MTRFR: variants seen among roughly 807,000 people sequenced by gnomAD.
MTRFR encodes probable peptide chain release factor C12orf65, mitochondrial.
MTRFR carries 10 observed loss-of-function variants against 11.9 expected under a neutral mutation model. The ratio of observed to expected loss-of-function variants is 0.84; its 90% CI spans 0.52 to 1.42. The LOEUF is 1.42. Among genes scored for constraint, MTRFR ranks in the 40% most tolerant of loss-of-function variants. The pLI is 0.00. For synonymous variants in MTRFR, 77 were observed against 79.1 expected (o/e 0.97, Z 0.14); for missense variants, 196 against 197.9 (o/e 0.99, Z 0.06).
At chr12:123,239,402 G>GT (rs1410659171) in intron 1 of MTRFR, among the ~76,000 whole-genome samples, 6 of 80,024 alleles carry the variant, frequency 7.5e-5, no homozygotes, top group East Asian at 0.033. Context: ...CATTAGTTTT[G>GT]TTTTTTTGTT....
intron 1 of MTRFR, among the ~76,000 whole-genome samples, chr12:123,235,300 T>C (rs1286078194): frequency 6.6e-6 from 1 of 152,192 alleles, no homozygotes; most frequent in Non-Finnish European, 1.5e-5. Flanking sequence ...GCAGGTCTGT[T>C]GGCCACAGAG....
At chr12:123,241,157 T>A (rs1181640920) in intron 1 of MTRFR, among the ~76,000 whole-genome samples, 1 of 138,764 alleles carries the variant, frequency 7.2e-6, no homozygotes, top group South Asian at 2.4e-4. Context: ...TTTTTGTTTT[T>A]GTTTTTTTTT....
chr12:123,254,215 T>G (rs2048155192), intron 2 of MTRFR: 4 of 496,430 alleles, frequency 8.1e-6, no homozygotes, highest in Middle Eastern at 5.4e-4. Flanking sequence ...GCTGCCATCC[T>G]TGAATTTGGC....
At chr12:123,237,423 C>T (rs901436747) in intron 1 of MTRFR, among the ~76,000 whole-genome samples, 2 of 152,088 alleles carry the variant, frequency 1.3e-5, no homozygotes, top group Admixed American at 6.6e-5. Flanking sequence ...AGCGAAACTC[C>T]GGCTCAAAAA....
chr12:123,249,732 C>A (rs373948731), intron 1 of MTRFR: 1 of 152,458 alleles, frequency 6.6e-6, no homozygotes, highest in African/African-American at 2.4e-5. Context: ...AGTGCAGCGG[C>A]GGGCTGAAGG....
At chr12:123,255,601 C>T (rs1481259191) in intron 2 of MTRFR, among the ~76,000 whole-genome samples, 2 of 151,724 alleles carry the variant, frequency 1.3e-5, no homozygotes, top group Admixed American at 1.3e-4. Context: ...GGACTGCAGG[C>T]ATGCCCCACC....
At chr12:123,238,508 T>C (rs867210639) in intron 1 of MTRFR, among the ~76,000 whole-genome samples, 2 of 152,078 alleles carry the variant, frequency 1.3e-5, no homozygotes, top group Non-Finnish European at 2.9e-5. Flanking sequence ...TGGTGGCTCA[T>C]GACTGTAATC....
At position 123,246,540 on chromosome 12, in the gene MTRFR, G is replaced by A. The variant is rs188324263; in HGVS notation, c.-28-7107G>A. 5.5e-4 allele frequency among the ~76,000 whole-genome samples: 82 copies of A among 149,572 alleles called. No homozygotes were observed. In the East Asian group the frequency reaches 0.015, roughly 27 times the overall value. ...ACAATCTCGGCTCACTGCAACCTCCGCCTCCCAGGTTCAAGCAATTCTCCT... is the reference window on the plus strand; with the variant it reads ...ACAATCTCGGCTCACTGCAACCTCCACCTCCCAGGTTCAAGCAATTCTCCT... On this transcript the variant is annotated intron_variant, in intron 1 of 2. Transcript: ENST00000253233.
In MTRFR at chr12:123,237,586, G is replaced by A. The variant is rs1037149894; in HGVS notation, c.-29+4055G>A. 5.3e-5 allele frequency among the ~76,000 whole-genome samples: 8 copies of A among 151,996 alleles called. 1 individual carries two copies. Among genetic ancestry groups the A allele is most frequent in the African/African-American group, 9.7e-5 (4 of 41,384 alleles). ...CCTAGAGTAGTCTCTTTTTCCTCCCGTCCGCCAAAATCAAAGACTACAGCT... is the reference window on the plus strand; with the variant it reads ...CCTAGAGTAGTCTCTTTTTCCTCCCATCCGCCAAAATCAAAGACTACAGCT... On this transcript the variant is annotated intron_variant, in intron 1 of 2. Coordinates refer to ENST00000253233, the MANE Select transcript of MTRFR (RefSeq NM_152269.5).
intron 1 of MTRFR, among the ~76,000 whole-genome samples, chr12:123,238,305 A>C (rs1318514204): frequency 6.6e-6 from 1 of 152,182 alleles, no homozygotes; most frequent in Admixed American, 6.5e-5. Flanking sequence ...TTTTCAAAGC[A>C]GCAACATTGC....
intron 1 of MTRFR, among the ~76,000 whole-genome samples, chr12:123,234,303 G>A (rs2047794855): frequency 6.6e-6 from 1 of 151,944 alleles, no homozygotes; most frequent in African/African-American, 2.4e-5. Flanking sequence ...AAATGGATCT[G>A]CCCTTGGAAT....
At chr12:123,236,015 G>A (rs1794874298) in intron 1 of MTRFR, among the ~76,000 whole-genome samples, 1 of 152,008 alleles carries the variant, frequency 6.6e-6, no homozygotes, top group South Asian at 2.1e-4. Flanking sequence ...AGTGAGCCAA[G>A]ATGGTGCCAC....
At chr12:123,240,642 G>A (rs1281013405) in intron 1 of MTRFR, 1 of 147,692 alleles carries the variant, frequency 6.8e-6, no homozygotes. Flanking sequence ...GTGAATTTTA[G>A]ATAAATGGCG....
chr12:123,253,499 T>G, intron 1 of MTRFR, 148 bp from the exon 2 acceptor site: 3 of 738,362 alleles, frequency 4.1e-6, no homozygotes, highest in East Asian at 5.4e-5. Context: ...TCTTGCTGAA[T>G]AATGTGTCTC....
intron 1 of MTRFR, among the ~76,000 whole-genome samples, chr12:123,242,487 G>T (rs2047956051): frequency 6.6e-6 from 1 of 151,878 alleles, no homozygotes; most frequent in Admixed American, 6.6e-5. Flanking sequence ...GTATTTTTTT[G>T]GCCTTTGGGG....
intron 1 of MTRFR, among the ~76,000 whole-genome samples, chr12:123,241,766 C>T (rs906107785): frequency 6.6e-6 from 1 of 152,196 alleles, no homozygotes; most frequent in Non-Finnish European, 1.5e-5. Context: ...TTGTTTGCTC[C>T]GGCCACAGGC....
chr12:123,249,781 G>C (rs1270782619), intron 1 of MTRFR: 1 of 152,426 alleles, frequency 6.6e-6, no homozygotes, highest in Non-Finnish European at 1.5e-5. Context: ...CGAGGCCAAG[G>C]AGGCGCCGAG....
chr12:123,243,166 G>A (rs2047969890), intron 1 of MTRFR, among the ~76,000 whole-genome samples: 1 of 151,900 alleles, frequency 6.6e-6, no homozygotes, highest in African/African-American at 2.4e-5. Flanking sequence ...ACTTTCCTTG[G>A]CACACTCCAT....
At chr12:123,247,264 C>T (rs2048055964) in intron 1 of MTRFR, among the ~76,000 whole-genome samples, 1 of 152,090 alleles carries the variant, frequency 6.6e-6, no homozygotes, top group Admixed American at 6.5e-5. Context: ...AAGTCCCCCA[C>T]TATTATTGTG....
Sources: gnomAD v4.1 joint callset for allele counts (sites outside exome capture counted in the v4.1 genomes callset) on GRCh38, gnomAD v4.1.1 for gene constraint, MANE v1.5 for transcripts, NCBI Gene and HGNC (gene_info 2026-07-23, HGNC 2026-07-21) for gene names.